TRPM2: variants seen among roughly 807,000 people sequenced by gnomAD.
TRPM2 encodes estrogen-responsive element-associated gene 1 protein.
TRPM2 carries 161 observed loss-of-function variants against 174.0 expected under a neutral mutation model. The ratio of observed to expected loss-of-function variants is 0.93; its 90% CI spans 0.81 to 1.05. The LOEUF (loss-of-function observed/expected upper bound fraction) is 1.05, where lower values mean the gene tolerates loss of function less well. Among genes scored for constraint, TRPM2 ranks in the 50% least tolerant of loss-of-function variants. The pLI, the probability that TRPM2 is intolerant of heterozygous loss-of-function variation, is 0.00. For missense variants in TRPM2, 2,057 were observed against 2,038.0 expected, an observed-to-expected ratio of 1.01 and a Z score of -0.18; for synonymous variants, 954 against 861.3, an observed-to-expected ratio of 1.11 and a Z score of -1.88.
At chr21:44,435,390 C>A (rs1023967811) in intron 28 of TRPM2, among the ~76,000 whole-genome samples, 173 bp downstream of exon 28, 1 of 152,048 alleles carries the variant, frequency 6.6e-6, no homozygotes, top group African/African-American at 2.4e-5. Flanking sequence ...TGAATATGCC[C>A]GAAATGGGGC....
intron 23 of TRPM2, among the ~76,000 whole-genome samples, chr21:44,423,938 C>A (rs2050646028): frequency 6.6e-6 from 1 of 152,180 alleles, no homozygotes; most frequent in African/African-American, 2.4e-5. Flanking sequence ...GACTGAGTTC[C>A]TTCTGTGTGC....
chr21:44,376,106 C>T lies in TRPM2; in HGVS notation c.952+93C>T. Reference sequence around the variant, plus strand: ...AGCTGGTCACGACCAGGACGTTCAACAGGCCTGGCGTTTGGCAGAGAGTGC... The same window carrying T: ...AGCTGGTCACGACCAGGACGTTCAATAGGCCTGGCGTTTGGCAGAGAGTGC... On this transcript the variant is annotated intron_variant, in intron 6 of 31. Coordinates refer to ENST00000397928, the MANE Select transcript of TRPM2 (RefSeq NM_003307.4). The surrounding 1 kb of genome is among the most constrained non-coding windows in gnomAD (Gnocchi z 4.2). 3 of 1,460,310 alleles carry T rather than the reference C, an allele frequency of 2.1e-6. No individual in the cohort carries two copies. Among genetic ancestry groups the T allele is most frequent in the Non-Finnish European group, 2.8e-6 (3 of 1,076,034 alleles). 90.5% of individuals were successfully genotyped at this position (1,460,310 alleles called of 1,614,324 possible).
chr21:44,355,177 G>A (rs866595594), intron 2 of TRPM2, among the ~76,000 whole-genome samples: 3 of 151,986 alleles, frequency 2.0e-5, no homozygotes, highest in Non-Finnish European at 4.4e-5. Context: ...CCAGAGGCCC[G>A]ACTTGCCCCC....
At chr21:44,374,883 C>G (rs2048649655) in intron 5 of TRPM2, among the ~76,000 whole-genome samples, 1 of 152,260 alleles carries the variant, frequency 6.6e-6, no homozygotes, top group African/African-American at 2.4e-5. Flanking sequence ...GCAACAAAGC[C>G]CTCTCTGCCC....
At position 44,406,603 on chromosome 21, in the gene TRPM2, G is replaced by C. The variant is rs56379273; in HGVS notation, c.2800G>C (p.Val934Leu). 1 of 1,609,372 alleles carries C rather than the reference G, an allele frequency of 6.2e-7. No individual in the cohort carries two copies. Among genetic ancestry groups the C allele is most frequent in the Non-Finnish European group, 8.5e-7 (1 of 1,179,298 alleles). ...ACTCTCTGTCCTGCAGATGAAGGAC[G>C]TCTTCTTCTTCCTCTTCCTGCTGGC... ...IIIVKRMMKD[V>L]FFFLFLLAVW... is the part of the protein sequence containing the mutation. Residue 934 changes from valine (V) to leucine (L), a missense_variant, in exon 19 of 32, where the codon GTC becomes CTC. Transcript: ENST00000397928.
At chr21:44,441,249 T>TG (rs5844184) in intron 31 of TRPM2, among the ~76,000 whole-genome samples, 132,133 of 152,092 alleles carry the variant, frequency 0.87, 57,567 homozygotes, top group East Asian at 0.94. Flanking sequence ...CAGGCGACCA[T>TG]AGGGCCCTGT....
chr21:44,427,384 G>C (rs375967295), intron 27 of TRPM2, among the ~76,000 whole-genome samples: 23 of 152,224 alleles, frequency 1.5e-4, no homozygotes, highest in Admixed American at 3.3e-4. Context: ...TGTACGTGGG[G>C]ATGGCTGTGC....
chr21:44,390,445 T>C (rs1454079791), intron 9 of TRPM2, among the ~76,000 whole-genome samples: 1 of 152,198 alleles, frequency 6.6e-6, no homozygotes, highest in Non-Finnish European at 1.5e-5. Context: ...CAAAATAACT[T>C]GTCCTGAGAA....
intron 25 of TRPM2, 21 bp downstream of exon 25, chr21:44,425,848 A>G (rs2146378936): frequency 2.0e-6 from 3 of 1,537,334 alleles, no homozygotes; most frequent in Non-Finnish European, 2.6e-6. Context: ...GCCCAAGCCC[A>G]ACCAGGCGGA....
chr21:44,391,169 C>T lies in TRPM2; in HGVS notation c.1441-103C>T, dbSNP rs887723711. The T allele has an allele frequency of 2.6e-6, 4 of 1,536,862 alleles. No individual in the cohort carries two copies. Among genetic ancestry groups the T allele is most frequent in the Admixed American group, 3.6e-5 (2 of 55,134 alleles). On this transcript the variant is annotated intron_variant, in intron 10 of 31. Transcript: ENST00000397928. This position sits in a 1 kb window ranked among gnomAD's most constrained non-coding sequence, Gnocchi z 5.0. ...TGACCTGGGCAGCTTTCATCCTCCCCAGGTTGGGGACAACAGCAGCCCCCA... is the reference window on the plus strand; with the variant it reads ...TGACCTGGGCAGCTTTCATCCTCCCTAGGTTGGGGACAACAGCAGCCCCCA...
At chr21:44,358,053 C>T (rs181896000) in intron 2 of TRPM2, among the ~76,000 whole-genome samples, 60 of 152,236 alleles carry the variant, frequency 3.9e-4, no homozygotes, top group African/African-American at 1.3e-3. Flanking sequence ...ATTTATACCA[C>T]TTACATGTTT....
chr21:44,383,060 C>A (rs1283364320), intron 9 of TRPM2, among the ~76,000 whole-genome samples: 3 of 152,230 alleles, frequency 2.0e-5, no homozygotes, highest in Admixed American at 6.5e-5. Context: ...TCATTTTTAC[C>A]TTTGTAGTGG....
chr21:44,354,748 G>A lies in TRPM2; in HGVS notation c.254+12G>A. 1 of 1,613,452 alleles carries A rather than the reference G, an allele frequency of 6.2e-7. No individual in the cohort carries two copies. The highest frequency in any genetic ancestry group is 2.2e-5 in the East Asian group (1 of 44,880). On this transcript the variant is annotated intron_variant, in intron 2 of 31. Transcript: ENST00000397928. The surrounding 1 kb of genome is among the most constrained non-coding windows in gnomAD (Gnocchi z 4.3). The stretch of plus-strand genomic sequence containing the variant: ...CTGTCTGATGCTGGGTAAGTGACGT[G>A]ATTTGTGTGTAAGACCTCTGACTTC...
chr21:44,352,372 C>G (rs1057130870), upstream of TRPM2, among the ~76,000 whole-genome samples: 3 of 152,222 alleles, frequency 2.0e-5, no homozygotes, highest in Non-Finnish European at 4.4e-5. Flanking sequence ...AGTGCCCGCC[C>G]CAGGACAGCA....
chr21:44,428,391 T>A (rs993872198), intron 27 of TRPM2, among the ~76,000 whole-genome samples: 1 of 135,020 alleles, frequency 7.4e-6, no homozygotes, highest in Non-Finnish European at 1.5e-5. Flanking sequence ...CTCCCTGAGG[T>A]GTGGCTCCTC....
chr21:44,352,254 C>T (rs2047939111), upstream of TRPM2, among the ~76,000 whole-genome samples: 1 of 152,218 alleles, frequency 6.6e-6, no homozygotes, highest in Non-Finnish European at 1.5e-5. Flanking sequence ...CAGGAAAAGG[C>T]CGGGCAGGGC....
At chr21:44,405,764 C>T (rs1478061535) in intron 17 of TRPM2, 141 bp from the exon 18 acceptor site, 3 of 1,018,814 alleles carry the variant, frequency 2.9e-6, no homozygotes, top group Non-Finnish European at 2.8e-6. Context: ...CAGCTTTGAA[C>T]ACCTGGGATG....
chr21:44,395,629 T>C (rs1484448889), intron 12 of TRPM2, 78 bp downstream of exon 12: 1 of 1,587,372 alleles, frequency 6.3e-7, no homozygotes, highest in Non-Finnish European at 8.6e-7. Context: ...CTGGAGAGAG[T>C]GGCTGGAGAG....
rs917338601 is a variant in TRPM2, at chr21:44,437,179, G to A, written c.4167+12G>A. Reference sequence around the variant, plus strand: ...GGGCCCTGCCTGGGGTAAGGCTGCCGCGTGTGGGACCTCTGTCCACTGGGC... The same window carrying A: ...GGGCCCTGCCTGGGGTAAGGCTGCCACGTGTGGGACCTCTGTCCACTGGGC... On this transcript the variant is annotated intron_variant, in intron 29 of 31. Coordinates refer to ENST00000397928, the MANE Select transcript of TRPM2 (RefSeq NM_003307.4). The A allele has an allele frequency of 7.0e-5, 108 of 1,549,178 alleles. No homozygotes were observed. The highest frequency in any genetic ancestry group is 3.4e-4 in the Middle Eastern group (2 of 5,868).
Sources: allele counts gnomAD v4.1 joint callset (sites outside exome capture counted in the v4.1 genomes callset), GRCh38; gene constraint gnomAD v4.1.1; non-coding constraint Gnocchi (gnomAD v3.1); transcripts MANE v1.5; gene names NCBI Gene and HGNC (gene_info 2026-07-23, HGNC 2026-07-21).